ADAMTS16: variants seen among roughly 807,000 people sequenced by gnomAD.
The protein encoded by ADAMTS16 is ADAM metallopeptidase with thrombospondin type 1 motif 16.
In ADAMTS16, 94 loss-of-function variants were observed where a neutral mutation model predicts 145.8. That is an observed-to-expected ratio of 0.64 (90% CI 0.55 to 0.77). The LOEUF (loss-of-function observed/expected upper bound fraction) is 0.77. Ranked by LOEUF, ADAMTS16 falls within the 30% of genes least tolerant of loss-of-function variation. The probability of loss-of-function intolerance (pLI) is 0.00; values close to 1 mark genes in which losing one functional copy is unlikely to be tolerated. For missense variants in ADAMTS16, 1,585 were observed against 1,591.5 expected (o/e 1.00, Z 0.07); for synonymous variants, 659 against 604.3 (o/e 1.09, Z -1.33).
chr5:5,153,601 G>A (rs543822450), intron 3 of ADAMTS16, among the ~76,000 whole-genome samples: 2 of 152,002 alleles, frequency 1.3e-5, no homozygotes, highest in East Asian at 3.9e-4. Context: ...CAATCACTAG[G>A]GTTTTTAACA....
chr5:5,181,733 G>C (rs1735344808), intron 3 of ADAMTS16, among the ~76,000 whole-genome samples: 1 of 152,096 alleles, frequency 6.6e-6, no homozygotes, highest in African/African-American at 2.4e-5. Context: ...CATTACTTTT[G>C]GTGTAAATTA....
chr5:5,315,091 C>T (rs1733991210), intron 21 of ADAMTS16, among the ~76,000 whole-genome samples: 1 of 152,150 alleles, frequency 6.6e-6, no homozygotes, highest in Non-Finnish European at 1.5e-5. Flanking sequence ...CCTCAGGAAA[C>T]TTACAATCAT....
intron 10 of ADAMTS16, among the ~76,000 whole-genome samples, chr5:5,210,760 C>A (rs1487662186): frequency 2.6e-5 from 4 of 152,026 alleles, no homozygotes; most frequent in African/African-American, 9.7e-5. Flanking sequence ...AATCCCAATT[C>A]GTTCAGAGAT....
At position 5,319,728 on chromosome 5, in the gene ADAMTS16, T is replaced by G; in HGVS notation, c.*590T>G. The G allele has an allele frequency of 2.7e-6, 1 of 367,390 alleles. No individual in the cohort carries two copies. The highest frequency in any genetic ancestry group is 5.3e-6 in the Non-Finnish European group (1 of 188,928). The allele number at this position is 367,390 out of a possible 1,614,324, so 22.8% of individuals were successfully genotyped here. A position where few individuals can be genotyped will look rare whatever the true frequency, so the allele number is the denominator to read the frequency against. On this transcript the variant is annotated 3_prime_UTR_variant, in exon 23 of 23. Transcript: ENST00000274181. ...CCTGGAGCCACCGCCGGAGCCAGCG[T>G]CATCTCTAGGGTCACTGGCCAGGGG...
At chr5:5,313,843 C>T (rs558283364) in intron 21 of ADAMTS16, among the ~76,000 whole-genome samples, 160 of 152,364 alleles carry the variant, frequency 1.1e-3, no homozygotes, top group African/African-American at 3.7e-3. Flanking sequence ...GTGAACGCTG[C>T]GCAGTCCATC....
At chr5:5,165,894 G>A (rs980546227) in intron 3 of ADAMTS16, among the ~76,000 whole-genome samples, 7 of 152,018 alleles carry the variant, frequency 4.6e-5, no homozygotes, top group East Asian at 1.9e-4. Context: ...CTCTCACCCC[G>A]CCTGCCAGTG....
intron 18 of ADAMTS16, among the ~76,000 whole-genome samples, chr5:5,279,213 TTGTC>T (rs2126467637): frequency 6.6e-6 from 1 of 152,324 alleles, no homozygotes. Flanking sequence ...ATGCCAGGCA[TTGTC>T]TGTCTGTGGG....
chr5:5,253,160 C>A (rs988645996), intron 17 of ADAMTS16, among the ~76,000 whole-genome samples: 2 of 152,108 alleles, frequency 1.3e-5, no homozygotes, highest in African/African-American at 4.8e-5. Context: ...GTTTATTTTG[C>A]CAAGATTAAG....
intron 10 of ADAMTS16, among the ~76,000 whole-genome samples, chr5:5,215,983 A>G (rs1246532956): frequency 6.8e-6 from 1 of 148,046 alleles, no homozygotes; most frequent in Non-Finnish European, 1.5e-5. Context: ...GCAATTGTAA[A>G]TTGTGCTGCT....
In ADAMTS16 at chr5:5,253,601, C is replaced by T. The variant is rs868329772; in HGVS notation, c.2663-9056C>T. 2.0e-5 allele frequency among the ~76,000 whole-genome samples: 3 copies of T among 152,132 alleles called. 1 individual carries two copies. Among genetic ancestry groups the T allele is most frequent in the African/African-American group, 7.2e-5 (3 of 41,432 alleles). On this transcript the variant is annotated intron_variant, in intron 17 of 22. Transcript: ENST00000274181. ...ATTTTGAGGTCCCAAGATTTATTTT[C>T]CTTTCACAAGGTTTTCATCAATGCA...
At chr5:5,193,539 A>G (rs539460070) in intron 8 of ADAMTS16, among the ~76,000 whole-genome samples, 76 of 152,350 alleles carry the variant, frequency 5.0e-4, no homozygotes, top group African/African-American at 1.8e-3. Context: ...GGGCTTAGCC[A>G]GTGAACGTTC....
chr5:5,145,082 G>A (rs536187345), intron 2 of ADAMTS16, among the ~76,000 whole-genome samples: 16 of 152,294 alleles, frequency 1.1e-4, no homozygotes, highest in South Asian at 8.3e-4. Flanking sequence ...GCCTGAACGC[G>A]GAGATTATGA....
chr5:5,267,807 C>T (rs147824089), intron 18 of ADAMTS16, among the ~76,000 whole-genome samples: 44 of 152,296 alleles, frequency 2.9e-4, no homozygotes, highest in African/African-American at 1.1e-3. Flanking sequence ...GGCACAGGCC[C>T]GAGAGTGGAG....
In ADAMTS16 at chr5:5,235,025, G is replaced by C; in HGVS notation, c.1862G>C (p.Gly621Ala). 6.3e-7 allele frequency: 1 copy of C among 1,577,188 alleles called. No homozygotes were observed. Among genetic ancestry groups the C allele is most frequent in the Non-Finnish European group, 8.7e-7 (1 of 1,153,468 alleles). Residue 621 changes from glycine (G) to alanine (A), a missense_variant, in exon 13 of 23, where the codon GGA becomes GCA. Physicochemically the swap from Gly to Ala is moderately conservative, Grantham distance 60 (BLOSUM62 0). This residue lies in a region of ADAMTS16 where 834 missense variants were observed against 811.7 expected (regional missense o/e 1.03). Transcript: ENST00000274181. ...AATACACATTCCAGGCCATCGCATG[G>C]AGGGAAGTTCTGTGAGGGCTCCACT... ...RLCTNPKPSH[G>A]GKFCEGSTRT...
Position 5,274,958 on chromosome 5 carries a change from G to A in ADAMTS16, c.2789+12175G>A, listed in dbSNP as rs531695154. Among the ~76,000 whole-genome samples, 8 of 152,168 alleles carry A rather than the reference G, an allele frequency of 5.3e-5. No individual in the cohort carries two copies. In the South Asian group the frequency reaches 6.2e-4, roughly 12 times the overall value. ...TAACTGTCCCCTAATAATTAAAACC[G>A]TGGCACATGCTTCAAATATTTTGGA... On this transcript the variant is annotated intron_variant, in intron 18 of 22. Coordinates refer to ENST00000274181, the MANE Select transcript of ADAMTS16 (RefSeq NM_139056.4).
At chr5:5,303,166 C>T (rs923713562) in intron 18 of ADAMTS16, 102 bp from the exon 19 acceptor site, 12 of 1,254,998 alleles carry the variant, frequency 9.6e-6, no homozygotes, top group East Asian at 2.6e-5. Flanking sequence ...CACACACGAC[C>T]GTGGCTGGGA....
At chr5:5,161,228 CTGT>C (rs1400012246) in intron 3 of ADAMTS16, among the ~76,000 whole-genome samples, 1 of 152,192 alleles carries the variant, frequency 6.6e-6, no homozygotes, top group Non-Finnish European at 1.5e-5. Flanking sequence ...CAGATTCATC[CTGT>C]TATTTGGCAA....
intron 17 of ADAMTS16, among the ~76,000 whole-genome samples, chr5:5,261,489 CTTTTTT>C (rs10719029): frequency 9.5e-6 from 1 of 105,504 alleles, no homozygotes. Flanking sequence ...GTTATAGCCT[CTTTTTT>C]TTTTTTTTTT....
intron 18 of ADAMTS16, among the ~76,000 whole-genome samples, chr5:5,270,881 A>T (rs1010041308): frequency 1.3e-5 from 2 of 151,994 alleles, no homozygotes; most frequent in African/African-American, 4.8e-5. Context: ...GGCTGCAGGT[A>T]CTCCGAGCTC....
Sources: allele counts gnomAD v4.1 joint callset (sites outside exome capture counted in the v4.1 genomes callset), GRCh38; gene constraint gnomAD v4.1.1; regional missense constraint gnomAD v4.1.1; transcripts MANE v1.5; gene names NCBI Gene and HGNC (gene_info 2026-07-23, HGNC 2026-07-21).